The following DSCAM variants were observed in gnomAD, a reference collection of about 807,000 sequenced individuals.
The protein encoded by DSCAM is DS cell adhesion molecule, also known as cell adhesion molecule DSCAM.
DSCAM carries 47 observed loss-of-function variants against 217.7 expected under a neutral mutation model. That is an observed-to-expected ratio of 0.22 (90% CI 0.17 to 0.28). The LOEUF (loss-of-function observed/expected upper bound fraction) is 0.28. Ranked by LOEUF, DSCAM falls within the 10% of genes least tolerant of loss-of-function variation. The probability of loss-of-function intolerance (pLI) is 1.00; values close to 1 mark genes in which losing one functional copy is unlikely to be tolerated. For missense variants in DSCAM, 2,080 were observed against 2,618.3 expected (o/e 0.79, Z 4.49); for synonymous variants, 1,056 against 1,015.3 (o/e 1.04, Z -0.76).
intron 20 of DSCAM, among the ~76,000 whole-genome samples, chr21:40,104,707 T>C (rs528488922): frequency 3.9e-5 from 6 of 152,264 alleles, no homozygotes; most frequent in Admixed American, 6.5e-5. Flanking sequence ...CACTGGCTAA[T>C]AATGATGTGT....
At chr21:40,824,397 T>C (rs1419019964) in intron 1 of DSCAM, among the ~76,000 whole-genome samples, 2 of 143,502 alleles carry the variant, frequency 1.4e-5, no homozygotes, top group African/African-American at 5.4e-5. Context: ...CCCATTTTTA[T>C]TATTGATTTT....
At chr21:40,321,952 T>A (rs2074264291) in intron 8 of DSCAM, among the ~76,000 whole-genome samples, 1 of 152,220 alleles carries the variant, frequency 6.6e-6, no homozygotes. Context: ...GGAAACCGTT[T>A]CAGGCGCTAG....
intron 3 of DSCAM, among the ~76,000 whole-genome samples, chr21:40,584,462 A>C (rs997256322): frequency 3.3e-5 from 5 of 152,236 alleles, no homozygotes; most frequent in African/African-American, 1.2e-4. Context: ...GTGAGGTGCT[A>C]GAAAAAGCAT....
intron 11 of DSCAM, among the ~76,000 whole-genome samples, chr21:40,201,995 A>C (rs1246691645): frequency 6.6e-6 from 1 of 152,170 alleles, no homozygotes; most frequent in Non-Finnish European, 1.5e-5. Context: ...TCACTCTGAG[A>C]CCAGATTATA....
chr21:40,403,865 C>T (rs2075259633), intron 3 of DSCAM, among the ~76,000 whole-genome samples: 2 of 152,078 alleles, frequency 1.3e-5, no homozygotes, highest in Admixed American at 1.3e-4. Context: ...TTTAAGTGTT[C>T]AGAACATTTG....
Position 40,337,849 on chromosome 21 carries a change from T to C in DSCAM, c.1783+252A>G, listed in dbSNP as rs115589968. Among the ~76,000 whole-genome samples the C allele has an allele frequency of 3.6e-3, 542 of 152,330 alleles. 3 individuals are homozygous for C. The highest frequency in any genetic ancestry group is 0.012 in the African/African-American group (513 of 41,576). ...ATGTGCTCCTTTTTTTTCTGTTGTA[T>C]TGTTAACAACACATGCCCTCTGGAA... On this transcript the variant is annotated intron_variant, in intron 8 of 32. Transcript: ENST00000400454.
At chr21:40,477,982 G>T (rs1175181018) in intron 3 of DSCAM, among the ~76,000 whole-genome samples, 1 of 151,944 alleles carries the variant, frequency 6.6e-6, no homozygotes, top group East Asian at 1.9e-4. Flanking sequence ...GGACCCCTGA[G>T]CCCCACCCCC....
rs2089145688 is a variant in DSCAM, at chr21:40,062,913, G to A, written c.4889-14C>T. 6.3e-7 allele frequency: 1 copy of A among 1,597,476 alleles called. No individual in the cohort carries two copies. The highest frequency in any genetic ancestry group is 1.3e-5 in the African/African-American group (1 of 74,094). On this transcript the variant is annotated splice_polypyrimidine_tract_variant and intron_variant, in intron 27 of 32. Transcript: ENST00000400454. ...AACTCTTTGCATCTGGGGAAAGAAA[G>A]TTAACATTAGTACATGGTAAATAAC... is the stretch of plus-strand genomic sequence containing the variant.
At chr21:40,117,488 CAG>C (rs768698342) in intron 20 of DSCAM, among the ~76,000 whole-genome samples, 3 of 152,126 alleles carry the variant, frequency 2.0e-5, no homozygotes, top group Non-Finnish European at 4.4e-5. Context: ...GGCCAGATTG[CAG>C]AGTCTTCATT....
At chr21:40,529,924 G>T (rs763694444) in intron 3 of DSCAM, among the ~76,000 whole-genome samples, 2 of 152,092 alleles carry the variant, frequency 1.3e-5, no homozygotes, top group Non-Finnish European at 2.9e-5. Context: ...CAGGCTTGTC[G>T]TTGCTTATTT....
At chr21:40,517,028 T>C (rs2076306157) in intron 3 of DSCAM, among the ~76,000 whole-genome samples, 1 of 147,516 alleles carries the variant, frequency 6.8e-6, no homozygotes, top group African/African-American at 2.5e-5. Context: ...TACTAACATA[T>C]GTATATATAT....
chr21:40,675,725 T>C lies in DSCAM; in HGVS notation c.508+17085A>G, dbSNP rs140081453. Among the ~76,000 whole-genome samples, 410 of 152,358 alleles carry C rather than the reference T, an allele frequency of 2.7e-3. 3 individuals carry two copies. The highest frequency in any genetic ancestry group is 6.1e-3 in the African/African-American group (254 of 41,572). ...TTTTACATCCTATATAATAACCTGA[T>C]GTGCACAAATAATTTTACTGAACCT... On this transcript the variant is annotated intron_variant, in intron 3 of 32. Transcript: ENST00000400454.
At chr21:40,228,403 A>G (rs779428008) in intron 11 of DSCAM, among the ~76,000 whole-genome samples, 14 of 152,170 alleles carry the variant, frequency 9.2e-5, no homozygotes, top group Non-Finnish European at 1.3e-4. Flanking sequence ...CCATTTATTC[A>G]ATCATTTATA....
chr21:40,443,446 T>C (rs982791183), intron 3 of DSCAM, among the ~76,000 whole-genome samples: 22 of 152,200 alleles, frequency 1.4e-4, no homozygotes, highest in African/African-American at 4.8e-4. Flanking sequence ...GAGTTGAAGC[T>C]GCAGATGGAT....
chr21:40,378,892 C>T (rs1400670533), intron 3 of DSCAM, among the ~76,000 whole-genome samples: 1 of 151,942 alleles, frequency 6.6e-6, no homozygotes, highest in East Asian at 1.9e-4. Flanking sequence ...CGCGCCCGGC[C>T]AACAATGAAA....
intron 3 of DSCAM, among the ~76,000 whole-genome samples, chr21:40,420,687 T>TA (rs2075415359): frequency 6.6e-6 from 1 of 152,176 alleles, no homozygotes; most frequent in African/African-American, 2.4e-5. Context: ...ACTAATCCAA[T>TA]ATGCCTGGTA....
At chr21:40,465,837 G>A (rs780637352) in intron 3 of DSCAM, among the ~76,000 whole-genome samples, 4 of 151,660 alleles carry the variant, frequency 2.6e-5, no homozygotes, top group African/African-American at 4.9e-5. Context: ...AAGCAACAAT[G>A]ACCCCTTGTT....
intron 3 of DSCAM, among the ~76,000 whole-genome samples, chr21:40,451,402 G>GT (rs1219912452): frequency 1.3e-5 from 2 of 152,148 alleles, no homozygotes; most frequent in Non-Finnish European, 2.9e-5. Flanking sequence ...GTTATGAAAG[G>GT]TAACAGACTT....
chr21:40,696,755 G>A (rs2090600094), intron 2 of DSCAM, among the ~76,000 whole-genome samples: 4 of 151,962 alleles, frequency 2.6e-5, no homozygotes, highest in Admixed American at 2.0e-4. Flanking sequence ...ACAAAATCAG[G>A]CCTATTTATT....
Sources: gnomAD v4.1 joint callset for allele counts (sites outside exome capture counted in the v4.1 genomes callset) on GRCh38, gnomAD v4.1.1 for gene constraint, MANE v1.5 for transcripts, NCBI Gene and HGNC (gene_info 2026-07-23, HGNC 2026-07-21) for gene names.